The following DSCAML1 variants were observed in gnomAD, a reference collection of about 807,000 sequenced individuals.
The protein encoded by DSCAML1 is DS cell adhesion molecule like 1.
In DSCAML1, 38 loss-of-function variants were observed where a neutral mutation model predicts 200.5. The ratio of observed to expected loss-of-function variants is 0.19; its 90% CI spans 0.15 to 0.25. DSCAML1 has a LOEUF of 0.25. Ranked by LOEUF, DSCAML1 falls within the 10% of genes least tolerant of loss-of-function variation. The pLI, the probability that DSCAML1 is intolerant of heterozygous loss-of-function variation, is 1.00. For missense variants in DSCAML1, 2,223 were observed against 2,858.8 expected, an observed-to-expected ratio of 0.78 and a Z score of 5.07; for synonymous variants, 1,215 against 1,165.0, an observed-to-expected ratio of 1.04 and a Z score of -0.87.
chr11:117,612,596 G>A (rs2051718853), intron 3 of DSCAML1, among the ~76,000 whole-genome samples: 1 of 152,094 alleles, frequency 6.6e-6, no homozygotes, highest in Admixed American at 6.5e-5. Flanking sequence ...GAGCAGGTGG[G>A]ATGGTGATAT....
chr11:117,718,238 C>T (rs1229641394), intron 3 of DSCAML1, among the ~76,000 whole-genome samples: 1 of 152,232 alleles, frequency 6.6e-6, no homozygotes, highest in Admixed American at 6.5e-5. Flanking sequence ...CCCCACCCCC[C>T]TTCCCGAGGC....
chr11:117,745,340 G>A (rs1392749440), intron 3 of DSCAML1, among the ~76,000 whole-genome samples: 1 of 152,118 alleles, frequency 6.6e-6, no homozygotes, highest in African/African-American at 2.4e-5. Context: ...AACAACACCT[G>A]ACTGCAAAAC....
chr11:117,739,893 G>C (rs947823810), intron 3 of DSCAML1, among the ~76,000 whole-genome samples: 2 of 152,226 alleles, frequency 1.3e-5, no homozygotes, highest in African/African-American at 4.8e-5. Flanking sequence ...TCTCACCACA[G>C]ACTCAGCTGC....
In DSCAML1 at chr11:117,657,932, C is replaced by T. The variant is rs189309827; in HGVS notation, c.511+118859G>A. On this transcript the variant is annotated intron_variant, in intron 3 of 32. Coordinates refer to ENST00000651296, the MANE Select transcript of DSCAML1 (RefSeq NM_020693.4). ...AAGGAGGGATTGACTCTGGTGCATA[C>T]GCTGGCCCAGCACAATGAGCACAGA... 2.2e-4 allele frequency among the ~76,000 whole-genome samples: 34 copies of T among 152,266 alleles called. No individual in the cohort carries two copies. In the East Asian group the frequency reaches 5.2e-3, roughly 23 times the overall value.
intron 12 of DSCAML1, 21 bp downstream of exon 12, chr11:117,481,942 C>T: frequency 1.2e-6 from 2 of 1,613,496 alleles, no homozygotes; most frequent in Non-Finnish European, 1.7e-6. Flanking sequence ...GGTCCCCCAG[C>T]ACTGAGGTGG....
chr11:117,510,536 A>G (rs523825), intron 8 of DSCAML1, among the ~76,000 whole-genome samples: 149,527 of 152,190 alleles, frequency 0.98, 73,579 homozygotes, highest in Middle Eastern at 1. Flanking sequence ...AGCCCATCCC[A>G]GATCGCCTTA....
chr11:117,564,921 A>G (rs1158600022), intron 3 of DSCAML1, among the ~76,000 whole-genome samples: 1 of 152,052 alleles, frequency 6.6e-6, no homozygotes, highest in Non-Finnish European at 1.5e-5. Context: ...GTCTGCCACC[A>G]TACCCAGCTA....
chr11:117,481,067 C>A, intron 13 of DSCAML1, 107 bp downstream of exon 13: 2 of 1,085,692 alleles, frequency 1.8e-6, no homozygotes, highest in South Asian at 2.7e-5. Context: ...TTCCTGTCAT[C>A]CTCCACCATG....
chr11:117,507,979 C>A (rs1167932086), intron 8 of DSCAML1, among the ~76,000 whole-genome samples: 4 of 152,148 alleles, frequency 2.6e-5, no homozygotes, highest in African/African-American at 9.7e-5. Context: ...ATTCCTGAGA[C>A]CTCCCCGAGA....
intron 3 of DSCAML1, among the ~76,000 whole-genome samples, chr11:117,541,321 C>T (rs1280724841): frequency 3.9e-5 from 6 of 152,336 alleles, no homozygotes; most frequent in East Asian, 1.9e-4. Flanking sequence ...TTGGAGCACA[C>T]GCTGCTTCTG....
At chr11:117,644,324 C>T (rs1316250852) in intron 3 of DSCAML1, among the ~76,000 whole-genome samples, 1 of 152,246 alleles carries the variant, frequency 6.6e-6, no homozygotes, top group Non-Finnish European at 1.5e-5. Flanking sequence ...GGCGGGAGTG[C>T]AAAGGGGATT....
chr11:117,508,162 C>T (rs1222642715), intron 8 of DSCAML1, among the ~76,000 whole-genome samples: 1 of 152,134 alleles, frequency 6.6e-6, no homozygotes, highest in Non-Finnish European at 1.5e-5. Flanking sequence ...AGTCCTTCTC[C>T]TGCTCACAAA....
rs377397960 is a variant in DSCAML1, at chr11:117,504,479, C to T, written c.2182+445G>A. On this transcript the variant is annotated intron_variant, in intron 10 of 32. Transcript: ENST00000651296. This position sits in a 1 kb window ranked among gnomAD's most constrained non-coding sequence, Gnocchi z 5.0. ...TCCCTCCATTCCCCAGTGTCAGTCA[C>T]GAATACAGTCTAGGATTGGGCCTCA... Among the ~76,000 whole-genome samples the T allele has an allele frequency of 6.6e-5, 10 of 152,242 alleles. No individual in the cohort carries two copies. The highest frequency in any genetic ancestry group is 1.9e-4 in the East Asian group (1 of 5,176).
chr11:117,804,425 GC>G (rs2055692155), intron 1 of DSCAML1, among the ~76,000 whole-genome samples: 1 of 152,206 alleles, frequency 6.6e-6, no homozygotes, highest in African/African-American at 2.4e-5. Flanking sequence ...ATGTACACAT[GC>G]TTTTCTTTAT....
At chr11:117,732,401 G>A (rs775945736) in intron 3 of DSCAML1, among the ~76,000 whole-genome samples, 19 of 152,130 alleles carry the variant, frequency 1.2e-4, no homozygotes, top group Non-Finnish European at 2.1e-4. Flanking sequence ...TTCACACACC[G>A]AGTCTTCTTT....
chr11:117,492,352 G>A (rs774356760), intron 11 of DSCAML1, among the ~76,000 whole-genome samples: 7 of 152,068 alleles, frequency 4.6e-5, no homozygotes, highest in African/African-American at 1.2e-4. Flanking sequence ...AGTGCTTTTC[G>A]CCAAAAAAGA....
At chr11:117,485,661 TC>T (rs1415186691) in intron 11 of DSCAML1, among the ~76,000 whole-genome samples, 2 of 152,250 alleles carry the variant, frequency 1.3e-5, no homozygotes, top group African/African-American at 2.4e-5. Context: ...CCCAAGGGGT[TC>T]CATCAAGACA....
chr11:117,779,865 A>G (rs566918467), intron 2 of DSCAML1, among the ~76,000 whole-genome samples: 3 of 152,326 alleles, frequency 2.0e-5, no homozygotes, highest in Admixed American at 2.0e-4. Context: ...TCATCAAGCT[A>G]CATACTTGTA....
intron 3 of DSCAML1, among the ~76,000 whole-genome samples, chr11:117,590,264 C>A: frequency 6.6e-6 from 1 of 151,948 alleles, no homozygotes; most frequent in African/African-American, 2.4e-5. Flanking sequence ...TCAAGACTCA[C>A]TGCGGCCTTG....
Sources: allele counts gnomAD v4.1 joint callset (sites outside exome capture counted in the v4.1 genomes callset), GRCh38; gene constraint gnomAD v4.1.1; non-coding constraint Gnocchi (gnomAD v3.1); transcripts MANE v1.5; gene names NCBI Gene and HGNC (gene_info 2026-07-23, HGNC 2026-07-21).